Variants in RSF1 observed in about 807,000 individuals in gnomAD.
RSF1 encodes remodeling and spacing factor 1, also known as HBV pX-associated protein 8.
RSF1 carries 13 observed loss-of-function variants against 145.2 expected under a neutral mutation model. The observed-to-expected ratio is 0.09, with a 90% confidence interval of 0.06 to 0.14. The LOEUF (loss-of-function observed/expected upper bound fraction) is 0.14. Ranked by LOEUF, RSF1 falls within the 10% of genes least tolerant of loss-of-function variation. The pLI, the probability that RSF1 is intolerant of heterozygous loss-of-function variation, is 1.00. For missense variants in RSF1, 1,517 were observed against 1,718.2 expected (o/e 0.88, Z 2.07); for synonymous variants, 577 against 592.6 (o/e 0.97, Z 0.38).
At chr11:77,841,077 T>C in the RSF1 span, 8 of 639,316 alleles carry the variant, frequency 1.3e-5, no homozygotes, top group Non-Finnish European at 2.3e-5. Context: ...GCCTTCTTGC[T>C]GCATCATCCT....
intron 1 of RSF1, among the ~76,000 whole-genome samples, chr11:77,798,524 T>C (rs1405742372): frequency 3.9e-5 from 5 of 128,138 alleles, no homozygotes; most frequent in African/African-American, 9.1e-5. Context: ...GAGGTTGCAG[T>C]GAGCCGAGAT....
chr11:77,734,604 C>T, intron 4 of RSF1: 4 of 1,524,552 alleles, frequency 2.6e-6, no homozygotes, highest in South Asian at 1.1e-5. Flanking sequence ...CTTTCACCTG[C>T]TCATTCAGGT....
chr11:77,825,549 G>A (rs1053214881), upstream of RSF1, among the ~76,000 whole-genome samples: 4 of 152,122 alleles, frequency 2.6e-5, no homozygotes, highest in African/African-American at 9.7e-5. Flanking sequence ...ATAAGAAGAT[G>A]TATGAAAATA....
rs542052614 is a variant in RSF1 at position 77,676,892 on chromosome 11, C to G, written c.3241G>C (p.Ala1081Pro). 6.2e-7 allele frequency: 1 copy of G among 1,614,186 alleles called. No homozygotes were observed. Among genetic ancestry groups the G allele is most frequent in the East Asian group, 2.2e-5 (1 of 44,878 alleles). The change falls in exon 13 of 16, where the codon GCT (alanine) becomes CCT (proline). Residue 1081 changes from alanine (A) to proline (P), a missense_variant. Physicochemically the swap from Ala to Pro is conservative, Grantham distance 27. Coordinates refer to ENST00000308488, the MANE Select transcript of RSF1 (RefSeq NM_016578.4). ...CGGCGTTTCTTCCTTCGAGCAGCAG[C>G]TGCCCTCTGGGGTCGTTTATTTTCT... ...RKENKRPQRA[A>P]AARRKKRRRL...
chr11:77,803,861 T>C (rs1267898078), intron 1 of RSF1, among the ~76,000 whole-genome samples: 2 of 152,058 alleles, frequency 1.3e-5, no homozygotes, highest in African/African-American at 4.8e-5. Flanking sequence ...AGGAGGATCA[T>C]TTGAAGCCAG....
chr11:77,741,139 C>T (rs1017019105), intron 3 of RSF1, among the ~76,000 whole-genome samples: 1 of 152,114 alleles, frequency 6.6e-6, no homozygotes, highest in African/African-American at 2.4e-5. Flanking sequence ...ATATTAACAC[C>T]ATACCAATTT....
At chr11:77,789,647 T>C (rs117125382) in intron 1 of RSF1, among the ~76,000 whole-genome samples, 4,291 of 152,272 alleles carry the variant, frequency 0.028, 84 homozygotes, top group Non-Finnish European at 0.043. Flanking sequence ...CCCTCCACAG[T>C]GGCAGGGCCC....
intron 5 of RSF1, among the ~76,000 whole-genome samples, chr11:77,704,119 C>T (rs2135857290): frequency 1.3e-5 from 2 of 152,302 alleles, no homozygotes; most frequent in South Asian, 4.1e-4. Context: ...CATGGTGAAA[C>T]TCTGTCTCTA....
At chr11:77,782,625 A>G (rs1948415423) in intron 1 of RSF1, among the ~76,000 whole-genome samples, 1 of 152,206 alleles carries the variant, frequency 6.6e-6, no homozygotes, top group Non-Finnish European at 1.5e-5. Flanking sequence ...GGTGCCTGCA[A>G]CTAACAATGT....
chr11:77,842,700 A>G, the RSF1 span: 1 of 1,574,444 alleles, frequency 6.4e-7, no homozygotes, highest in Non-Finnish European at 8.6e-7. Flanking sequence ...AGCTGCAATG[A>G]CTAAGTGAAA....
At chr11:77,798,527 G>C (rs548174911) in intron 1 of RSF1, among the ~76,000 whole-genome samples, 8 of 135,646 alleles carry the variant, frequency 5.9e-5, no homozygotes, top group African/African-American at 2.2e-4. Flanking sequence ...GTTGCAGTGA[G>C]CCGAGATCAT....
chr11:77,766,615 T>C (rs1195491096), intron 1 of RSF1, among the ~76,000 whole-genome samples: 1 of 152,044 alleles, frequency 6.6e-6, no homozygotes, highest in Non-Finnish European at 1.5e-5. Context: ...GGAAAGGGCA[T>C]TGCTTGCACA....
chr11:77,690,095 G>A (rs545492866), intron 9 of RSF1, among the ~76,000 whole-genome samples: 1 of 150,424 alleles, frequency 6.6e-6, no homozygotes. Flanking sequence ...CTGGGAGATG[G>A]AGGTTGCCAT....
rs185676232 is a variant in RSF1 at position 77,672,925 on chromosome 11, C to T, written c.3563-695G>A. The stretch of plus-strand genomic sequence containing the variant: ...CTTGAATTCCTGGCCTCAAGTGATC[C>T]GCCTGCCTCGGCCTCCCAAAGTGCT... On this transcript the variant is annotated intron_variant, in intron 14 of 15. Coordinates refer to ENST00000308488, the MANE Select transcript of RSF1 (RefSeq NM_016578.4). 4.6e-5 allele frequency among the ~76,000 whole-genome samples: 7 copies of T among 152,276 alleles called. No homozygotes were observed. In the East Asian group the frequency reaches 7.7e-4, roughly 17 times the overall value.
At chr11:77,867,277 C>T in the RSF1 span, among the ~76,000 whole-genome samples, 3 of 151,594 alleles carry the variant, frequency 2.0e-5, no homozygotes, top group African/African-American at 7.3e-5. Flanking sequence ...TATACCATCT[C>T]TACCATTAGA....
intron 4 of RSF1, 36 bp from the exon 5 acceptor site, chr11:77,725,735 T>C (rs771315342): frequency 4.0e-6 from 6 of 1,491,168 alleles, no homozygotes; most frequent in South Asian, 2.9e-5. Context: ...CATAAAAACC[T>C]TTTTCCTGTT....
At chr11:77,809,912 C>T (rs1430977427) in intron 1 of RSF1, among the ~76,000 whole-genome samples, 1 of 152,158 alleles carries the variant, frequency 6.6e-6, no homozygotes, top group Non-Finnish European at 1.5e-5. Context: ...TATTTATTTG[C>T]AGAGCCAACT....
At chr11:77,697,466 AT>A (rs1960305319) in intron 7 of RSF1, among the ~76,000 whole-genome samples, 1 of 28,856 alleles carries the variant, frequency 3.5e-5, no homozygotes, top group Non-Finnish European at 6.3e-5. Context: ...ATTATATAAA[AT>A]ATATTTATAT....
At position 77,691,323 on chromosome 11, in the gene RSF1, G is replaced by C. The variant is rs369374710; in HGVS notation, c.2821-85C>G. On this transcript the variant is annotated intron_variant, in intron 8 of 15. Coordinates refer to ENST00000308488, the MANE Select transcript of RSF1 (RefSeq NM_016578.4). ...TACATGTTAACTTCATGGGTAGTGGGCTCTGAGAGCTGGTAAGGGACCACA... is the reference window on the plus strand; with the variant it reads ...TACATGTTAACTTCATGGGTAGTGGCCTCTGAGAGCTGGTAAGGGACCACA... The C allele has an allele frequency of 4.2e-4, 465 of 1,111,902 alleles. 4 individuals carry two copies. In the African/African-American group the frequency reaches 6.5e-3, roughly 15 times the overall value. 68.9% of individuals were successfully genotyped at this position (1,111,902 alleles called of 1,614,324 possible). A position where few individuals can be genotyped will look rare whatever the true frequency, so the allele number is the denominator to read the frequency against.
Sources: allele counts gnomAD v4.1 joint callset (sites outside exome capture counted in the v4.1 genomes callset), GRCh38; gene constraint gnomAD v4.1.1; transcripts MANE v1.5; gene names NCBI Gene and HGNC (gene_info 2026-07-23, HGNC 2026-07-21).